The following GLRA2 variants were observed in gnomAD, a reference collection of about 807,000 sequenced individuals.
GLRA2 encodes glycine receptor alpha 2.
In GLRA2, 11 loss-of-function variants were observed where a neutral mutation model predicts 31.6. That is an observed-to-expected ratio of 0.35 (90% CI 0.22 to 0.58). GLRA2 has a LOEUF of 0.58. Among genes scored for constraint, GLRA2 ranks in the 20% least tolerant of loss-of-function variants. The probability of loss-of-function intolerance (pLI) is 0.84; values close to 1 mark genes in which losing one functional copy is unlikely to be tolerated. For synonymous variants in GLRA2, 132 were observed against 134.0 expected (o/e 0.99, Z 0.10); for missense variants, 212 against 351.8 (o/e 0.60, Z 3.18).
chrX:14,468,370 G>C, the GLRA2 span, among the ~76,000 whole-genome samples: 528 of 111,776 alleles, frequency 4.7e-3, 6 homozygotes, highest in African/African-American at 0.016. Context: ...AAATGAGGTA[G>C]GCAGATAGTG....
chrX:14,613,761 G>T (rs768875133), intron 7 of GLRA2, among the ~76,000 whole-genome samples: 19 of 110,637 alleles, frequency 1.7e-4, no homozygotes, highest in African/African-American at 6.2e-4. Flanking sequence ...TGATTAAATG[G>T]GTTCAGTTCC....
chrX:14,504,406 G>GTT, the GLRA2 span, among the ~76,000 whole-genome samples: 1 of 109,724 alleles, frequency 9.1e-6, no homozygotes, highest in African/African-American at 3.3e-5. Flanking sequence ...AGCCAAACAG[G>GTT]TTTTTTTTTG....
chrX:14,479,300 C>G, the GLRA2 span, among the ~76,000 whole-genome samples: 2 of 112,081 alleles, frequency 1.8e-5, no homozygotes, highest in Non-Finnish European at 3.8e-5. Flanking sequence ...TTAATTGAGT[C>G]AGATTTAACA....
chrX:14,521,136 T>C, the GLRA2 span, among the ~76,000 whole-genome samples: 1 of 112,449 alleles, frequency 8.9e-6, no homozygotes, highest in South Asian at 3.7e-4. Context: ...CCCTGAGATA[T>C]TTGTGATGCT....
intron 2 of GLRA2, among the ~76,000 whole-genome samples, chrX:14,543,837 T>C (rs1348876151): frequency 1.8e-5 from 2 of 111,812 alleles, no homozygotes; most frequent in Admixed American, 1.9e-4. Context: ...AAAAACTTTT[T>C]TTTACACAGG....
intron 7 of GLRA2, among the ~76,000 whole-genome samples, chrX:14,654,226 A>C (rs1260918369): frequency 1.8e-5 from 2 of 112,050 alleles, no homozygotes; most frequent in Non-Finnish European, 3.8e-5. Flanking sequence ...TGTCAAGACA[A>C]GACCACATCA....
At chrX:14,582,383 A>G (rs1011078942) in intron 4 of GLRA2, among the ~76,000 whole-genome samples, 2 of 109,514 alleles carry the variant, frequency 1.8e-5, no homozygotes, top group African/African-American at 6.7e-5. Flanking sequence ...ATGTCCCTAC[A>G]GAGGACGTGA....
chrX:14,588,513 G>A (rs2090107074), intron 4 of GLRA2, among the ~76,000 whole-genome samples: 1 of 111,742 alleles, frequency 8.9e-6, no homozygotes, highest in African/African-American at 3.3e-5. Context: ...CTTGGGTAGT[G>A]TGATGCCTCC....
At chrX:14,661,573 A>C (rs191964161) in intron 7 of GLRA2, among the ~76,000 whole-genome samples, 55 of 112,158 alleles carry the variant, frequency 4.9e-4, no homozygotes, top group Middle Eastern at 4.6e-3. Flanking sequence ...TTATAGCTTA[A>C]TTTAAAAGTA....
At chrX:14,456,370 A>G in the GLRA2 span, among the ~76,000 whole-genome samples, 2 of 111,337 alleles carry the variant, frequency 1.8e-5, no homozygotes, top group African/African-American at 6.5e-5. Flanking sequence ...GGAACATCCA[A>G]TGTCGTCCTT....
chrX:14,625,517 T>A (rs1046134568), intron 7 of GLRA2, among the ~76,000 whole-genome samples: 19 of 111,659 alleles, frequency 1.7e-4, no homozygotes, highest in South Asian at 3.8e-4. Context: ...AGTGCTTCCT[T>A]CAGGAGCTCT....
chrX:14,524,603 TGAG>T (rs2089181751), upstream of GLRA2, among the ~76,000 whole-genome samples: 2 of 111,749 alleles, frequency 1.8e-5, no homozygotes, highest in Admixed American at 9.6e-5. Context: ...TGTCTGTACT[TGAG>T]GAGGACGTTT....
At chrX:14,553,402 C>G (rs1011941937) in intron 2 of GLRA2, among the ~76,000 whole-genome samples, 1 of 112,001 alleles carries the variant, frequency 8.9e-6, no homozygotes, top group Non-Finnish European at 1.9e-5. Context: ...TTCCCTTTCT[C>G]TTTTTCTCAT....
At chrX:14,627,704 G>A (rs968601023) in intron 7 of GLRA2, among the ~76,000 whole-genome samples, 10 of 111,178 alleles carry the variant, frequency 9.0e-5, no homozygotes, top group East Asian at 2.8e-4. Context: ...CAACTCTTTC[G>A]TATGGAAAGG....
intron 7 of GLRA2, among the ~76,000 whole-genome samples, chrX:14,681,491 G>T (rs964283215): frequency 2.7e-5 from 3 of 111,072 alleles, no homozygotes; most frequent in Non-Finnish European, 3.8e-5. Flanking sequence ...TGCACTATTT[G>T]CTAGGTCCTG....
chrX:14,457,269 G>A, the GLRA2 span, among the ~76,000 whole-genome samples: 1 of 111,520 alleles, frequency 9.0e-6, no homozygotes, highest in South Asian at 3.7e-4. Flanking sequence ...TGTTACACAG[G>A]CATACATGTG....
At chrX:14,492,535 G>T in the GLRA2 span, among the ~76,000 whole-genome samples, 2 of 111,801 alleles carry the variant, frequency 1.8e-5, no homozygotes, top group Middle Eastern at 4.6e-3. Context: ...TTAAGGAAAT[G>T]TAAATTGAAA....
At chrX:14,486,324 C>T in the GLRA2 span, among the ~76,000 whole-genome samples, 2 of 111,268 alleles carry the variant, frequency 1.8e-5, no homozygotes, top group Admixed American at 9.6e-5. Flanking sequence ...AGCTCTACAA[C>T]CTCTGGGTAG....
At chrX:14,706,713 G>A (rs1229282297) in intron 8 of GLRA2, among the ~76,000 whole-genome samples, 1 of 111,770 alleles carries the variant, frequency 8.9e-6, no homozygotes, top group East Asian at 2.8e-4. Context: ...ACACAAGGAG[G>A]AAATGATCTG....
Sources: gnomAD v4.1 joint callset for allele counts (sites outside exome capture counted in the v4.1 genomes callset) on GRCh38, gnomAD v4.1.1 for gene constraint, MANE v1.5 for transcripts, NCBI Gene and HGNC (gene_info 2026-07-23, HGNC 2026-07-21) for gene names.